The following MARCHF6 variants were observed in gnomAD, a reference collection of about 807,000 sequenced individuals.
MARCHF6 encodes the protein E3 ubiquitin-protein ligase MARCHF6.
In MARCHF6, 31 loss-of-function variants were observed where a neutral mutation model predicts 133.7. That is an observed-to-expected ratio of 0.23 (90% CI 0.17 to 0.31). MARCHF6 has a LOEUF of 0.31. Ranked by LOEUF, MARCHF6 falls within the 10% of genes least tolerant of loss-of-function variation. The probability of loss-of-function intolerance (pLI) is 1.00; values close to 1 mark genes in which losing one functional copy is unlikely to be tolerated. For missense variants in MARCHF6, 723 were observed against 1,121.6 expected, an observed-to-expected ratio of 0.64 and a Z score of 5.08; for synonymous variants, 395 against 402.5, an observed-to-expected ratio of 0.98 and a Z score of 0.22.
chr5:10,362,692 CAG>C (rs1333689469), intron 1 of MARCHF6, among the ~76,000 whole-genome samples: 2 of 152,168 alleles, frequency 1.3e-5, no homozygotes, highest in African/African-American at 4.8e-5. Flanking sequence ...CGGCATCACA[CAG>C]ATTTATAGCT....
intron 10 of MARCHF6, among the ~76,000 whole-genome samples, chr5:10,400,311 C>T (rs1738448028): frequency 6.6e-6 from 1 of 152,148 alleles, no homozygotes; most frequent in African/African-American, 2.4e-5. Flanking sequence ...GACAGATGCT[C>T]ATATTTTTCC....
chr5:10,405,714 T>A, intron 16 of MARCHF6, 37 bp downstream of exon 16: 1 of 1,560,718 alleles, frequency 6.4e-7, no homozygotes, highest in Non-Finnish European at 8.6e-7. Flanking sequence ...TTTTTTGAAT[T>A]AATTGTGCTA....
At chr5:10,386,771 C>G (rs543453286) in intron 4 of MARCHF6, among the ~76,000 whole-genome samples, 4 of 152,282 alleles carry the variant, frequency 2.6e-5, no homozygotes, top group African/African-American at 9.6e-5. Flanking sequence ...TAGAGAGAAT[C>G]TAAGTGCTAA....
chr5:10,364,477 C>T (rs923874404), intron 1 of MARCHF6, among the ~76,000 whole-genome samples: 1 of 152,276 alleles, frequency 6.6e-6, no homozygotes, highest in African/African-American at 2.4e-5. Flanking sequence ...TTAGATATCC[C>T]TCCAGCACCC....
At chr5:10,376,929 C>G (rs1736820755) in intron 1 of MARCHF6, among the ~76,000 whole-genome samples, 1 of 152,186 alleles carries the variant, frequency 6.6e-6, no homozygotes, top group Non-Finnish European at 1.5e-5. Context: ...CATTCTCCCT[C>G]CGATAGGCCA....
chr5:10,377,909 T>C lies in MARCHF6; in HGVS notation c.116+15T>C, dbSNP rs1472273454. The C allele has an allele frequency of 6.6e-7, 1 of 1,516,808 alleles. No homozygotes were observed. Among genetic ancestry groups the C allele is most frequent in the African/African-American group, 1.4e-5 (1 of 72,966 alleles). The allele number at this position is 1,516,808 out of a possible 1,614,324, so 94.0% of individuals were successfully genotyped here. A position where few individuals can be genotyped will look rare whatever the true frequency, so the allele number is the denominator to read the frequency against. On this transcript the variant is annotated intron_variant, in intron 2 of 25. Transcript: ENST00000274140. Reference sequence around the variant, plus strand: ...CATCAAGAATGGTAAGTCATACTTTTAGAAAGTTATGTAAGTCTGAGCTTC... The same window carrying C: ...CATCAAGAATGGTAAGTCATACTTTCAGAAAGTTATGTAAGTCTGAGCTTC...
intron 21 of MARCHF6, 48 bp downstream of exon 21, chr5:10,415,717 A>G (rs750359022): frequency 6.9e-7 from 1 of 1,447,186 alleles, no homozygotes; most frequent in South Asian, 1.5e-5. Context: ...GGAATAGTGA[A>G]TATTTTTCCA....
At chr5:10,401,395 T>C (rs914411564) in intron 11 of MARCHF6, 1 of 153,802 alleles carries the variant, frequency 6.5e-6, no homozygotes, top group African/African-American at 2.4e-5. Flanking sequence ...AGTTTGTATA[T>C]TTGAGATCTG....
chr5:10,387,306 CT>C (rs1241488268), intron 5 of MARCHF6, among the ~76,000 whole-genome samples: 298 of 139,600 alleles, frequency 2.1e-3, no homozygotes, highest in Middle Eastern at 3.9e-3. Flanking sequence ...TTCTTTCTTT[CT>C]TTTTTTTTTT....
chr5:10,378,738 T>C (rs748954366), intron 2 of MARCHF6, 21 bp from the exon 3 acceptor site: 78 of 1,450,950 alleles, frequency 5.4e-5, no homozygotes, highest in Non-Finnish European at 7.4e-5. Flanking sequence ...ACTGTACTTA[T>C]GAATCTATTT....
intron 22 of MARCHF6, among the ~76,000 whole-genome samples, chr5:10,418,739 C>T (rs151272482): frequency 2.4e-4 from 36 of 152,248 alleles, no homozygotes; most frequent in African/African-American, 8.2e-4. Flanking sequence ...TAATGGTGTA[C>T]CCACACCCTG....
At chr5:10,425,441 T>C (rs1476825361) in intron 23 of MARCHF6, among the ~76,000 whole-genome samples, 2 of 152,244 alleles carry the variant, frequency 1.3e-5, no homozygotes, top group South Asian at 2.1e-4. Context: ...TAATTTGTTA[T>C]CTTATTCATT....
chr5:10,403,594 T>C (rs1738685344), intron 15 of MARCHF6, 53 bp downstream of exon 15: 11 of 1,516,736 alleles, frequency 7.3e-6, no homozygotes, highest in Non-Finnish European at 8.9e-6. Flanking sequence ...GGACTTTTGC[T>C]TTCACCACCA....
chr5:10,364,874 G>A (rs893931143), intron 1 of MARCHF6, among the ~76,000 whole-genome samples: 2 of 152,166 alleles, frequency 1.3e-5, no homozygotes, highest in Non-Finnish European at 2.9e-5. Context: ...TGCGATCTTG[G>A]CTGACTGCAA....
At chr5:10,366,438 CA>C (rs766395605) in intron 1 of MARCHF6, among the ~76,000 whole-genome samples, 1 of 152,062 alleles carries the variant, frequency 6.6e-6, no homozygotes, top group Non-Finnish European at 1.5e-5. Context: ...TTACTTCAGC[CA>C]GATGAACAAG....
At chr5:10,431,348 A>G (rs188822575) in intron 25 of MARCHF6, among the ~76,000 whole-genome samples, 15 of 152,232 alleles carry the variant, frequency 9.9e-5, no homozygotes, top group African/African-American at 3.6e-4. Flanking sequence ...GGAACTTTCT[A>G]CCTGCTTCTT....
chr5:10,377,976 C>A, intron 2 of MARCHF6, 82 bp downstream of exon 2: 1 of 736,836 alleles, frequency 1.4e-6, no homozygotes, highest in African/African-American at 1.7e-5. Context: ...TTTCAATGTA[C>A]TTTCTCTGTA....
chr5:10,353,815 G>A lies in MARCHF6; in HGVS notation c.-84G>A, dbSNP rs1735250554. 5 of 1,307,132 alleles carry A rather than the reference G, an allele frequency of 3.8e-6. No individual in the cohort carries two copies. The East Asian group carries it at 8.5e-5, about 22-fold the overall frequency. 81.0% of individuals were successfully genotyped at this position (1,307,132 alleles called of 1,614,324 possible). Reference sequence around the variant, plus strand: ...TGAGCGTACGCACCTGCCCGGGCCCGGCTCCCTCCTCCTCTCCCCTCCCTC... The same window carrying A: ...TGAGCGTACGCACCTGCCCGGGCCCAGCTCCCTCCTCCTCTCCCCTCCCTC... On this transcript the variant is annotated 5_prime_UTR_variant, in exon 1 of 26. Transcript: ENST00000274140.
intron 1 of MARCHF6, among the ~76,000 whole-genome samples, chr5:10,375,026 G>A (rs1056348875): frequency 1.3e-5 from 2 of 152,214 alleles, no homozygotes; most frequent in African/African-American, 4.8e-5. Flanking sequence ...CTTGCTCTCG[G>A]CGCCTCCTCT....
Sources: gnomAD v4.1 joint callset for allele counts (sites outside exome capture counted in the v4.1 genomes callset) on GRCh38, gnomAD v4.1.1 for gene constraint, MANE v1.5 for transcripts, NCBI Gene and HGNC (gene_info 2026-07-23, HGNC 2026-07-21) for gene names.